The following CDKL4 variants were observed in gnomAD, a reference collection of about 807,000 sequenced individuals.
CDKL4 encodes cyclin-dependent kinase-like 4.
A neutral mutation model predicts 42.0 loss-of-function variants in CDKL4; 44 were observed. That is an observed-to-expected ratio of 1.05 (90% CI 0.82 to 1.35). The LOEUF (loss-of-function observed/expected upper bound fraction) is 1.35, where lower values mean the gene tolerates loss of function less well. Among genes scored for constraint, CDKL4 ranks in the 40% most tolerant of loss-of-function variants. The pLI is 0.00. For missense variants in CDKL4, 393 were observed against 369.9 expected, an observed-to-expected ratio of 1.06 and a Z score of -0.51; for synonymous variants, 120 against 121.6, an observed-to-expected ratio of 0.99 and a Z score of 0.09.
chr2:39,176,572 T>C (rs1300214841), intron 9 of CDKL4, among the ~76,000 whole-genome samples: 3 of 152,206 alleles, frequency 2.0e-5, no homozygotes, highest in South Asian at 2.1e-4. Flanking sequence ...TAGCTGAGAT[T>C]ACAGGTGTGA....
chr2:39,244,792 A>G (rs181245156), upstream of CDKL4, among the ~76,000 whole-genome samples: 53 of 152,278 alleles, frequency 3.5e-4, no homozygotes, highest in African/African-American at 1.1e-3. Flanking sequence ...GATTGTAAAT[A>G]CACCAATCGG....
At chr2:39,200,435 T>C (rs1455774879) in intron 5 of CDKL4, among the ~76,000 whole-genome samples, 1 of 152,014 alleles carries the variant, frequency 6.6e-6, no homozygotes, top group East Asian at 1.9e-4. Context: ...ACAAATCCAA[T>C]GCAATTCCCA....
chr2:39,205,075 G>A (rs1363965736), intron 4 of CDKL4, among the ~76,000 whole-genome samples: 2 of 152,038 alleles, frequency 1.3e-5, no homozygotes, highest in African/African-American at 4.8e-5. Context: ...AGCTACTGAG[G>A]AGGCTGAGGC....
intron 4 of CDKL4, among the ~76,000 whole-genome samples, chr2:39,209,482 C>G (rs72927491): frequency 0.034 from 5,103 of 152,228 alleles, 297 homozygotes; most frequent in African/African-American, 0.12. Flanking sequence ...CAAATGAATA[C>G]GTATTTTCTT....
At chr2:39,178,443 T>C (rs1675257687) in intron 9 of CDKL4, 2 of 864,678 alleles carry the variant, frequency 2.3e-6, no homozygotes, top group Non-Finnish European at 3.5e-6. Flanking sequence ...ACTTATTTAT[T>C]TTAATAATAT....
chr2:39,240,049 C>T (rs1679580490), intron 1 of CDKL4, among the ~76,000 whole-genome samples: 1 of 151,844 alleles, frequency 6.6e-6, no homozygotes, highest in East Asian at 1.9e-4. Flanking sequence ...GAGATTGTGC[C>T]ACTGCACTCC....
intron 4 of CDKL4, among the ~76,000 whole-genome samples, chr2:39,209,415 G>A (rs142455956): frequency 3.9e-5 from 6 of 152,180 alleles, no homozygotes; most frequent in South Asian, 2.1e-4. Flanking sequence ...TCATTATGGC[G>A]TTAAATGGAC....
At chr2:39,242,840 G>A (rs1679727923) in intron 1 of CDKL4, among the ~76,000 whole-genome samples, 1 of 152,134 alleles carries the variant, frequency 6.6e-6, no homozygotes, top group Admixed American at 6.5e-5. Flanking sequence ...GCTCACACCT[G>A]TAATCCCAGC....
intron 8 of CDKL4, among the ~76,000 whole-genome samples, chr2:39,182,273 G>A (rs1015408471): frequency 3.9e-5 from 6 of 152,174 alleles, no homozygotes; most frequent in Admixed American, 6.6e-5. Flanking sequence ...TTACAGGCAT[G>A]AGCCACCATG....
chr2:39,217,046 A>G (rs1253751625), intron 3 of CDKL4, among the ~76,000 whole-genome samples: 9 of 152,110 alleles, frequency 5.9e-5, no homozygotes, highest in Admixed American at 2.0e-4. Context: ...AGATCGTGCA[A>G]AGAGAAGATA....
chr2:39,173,401 G>C (rs574298871), downstream of CDKL4, among the ~76,000 whole-genome samples: 1 of 152,176 alleles, frequency 6.6e-6, no homozygotes, highest in Non-Finnish European at 1.5e-5. Context: ...AACTGGCAGG[G>C]TGTGGTGGGT....
At chr2:39,222,744 C>T (rs147700701) in intron 3 of CDKL4, among the ~76,000 whole-genome samples, 233 of 152,188 alleles carry the variant, frequency 1.5e-3, no homozygotes, top group African/African-American at 5.5e-3. Flanking sequence ...TCAAGTCAAG[C>T]AAACTGGTGT....
chr2:39,225,777 A>T, intron 3 of CDKL4, 62 bp downstream of exon 3: 1 of 1,510,528 alleles, frequency 6.6e-7, no homozygotes, highest in Non-Finnish European at 8.9e-7. Context: ...TGCCATGGTT[A>T]ATTCCACAGA....
chr2:39,201,412 G>A (rs528767719), intron 5 of CDKL4, among the ~76,000 whole-genome samples: 1 of 152,046 alleles, frequency 6.6e-6, no homozygotes, highest in Non-Finnish European at 1.5e-5. Flanking sequence ...ACAGTGTGGA[G>A]ATTCCTTAAA....
the CDKL4 span, among the ~76,000 whole-genome samples, chr2:39,170,185 C>G: frequency 6.7e-6 from 1 of 149,556 alleles, no homozygotes; most frequent in Admixed American, 6.7e-5. Context: ...TCTTAAACAC[C>G]TTTAGTCTTC....
the CDKL4 span, among the ~76,000 whole-genome samples, chr2:39,168,911 C>T: frequency 6.6e-6 from 1 of 151,798 alleles, no homozygotes; most frequent in Non-Finnish European, 1.5e-5. Context: ...CACATGCCAC[C>T]ACGCCCAGCT....
At chr2:39,236,298 A>C (rs1184857214) in intron 1 of CDKL4, among the ~76,000 whole-genome samples, 1 of 152,180 alleles carries the variant, frequency 6.6e-6, no homozygotes, top group African/African-American at 2.4e-5. Context: ...ACAGAGCCTC[A>C]GAGACCGATG....
intron 5 of CDKL4, among the ~76,000 whole-genome samples, chr2:39,190,833 T>G (rs1328676328): frequency 3.3e-5 from 5 of 152,196 alleles, no homozygotes; most frequent in African/African-American, 1.2e-4. Context: ...GCATGGTGGT[T>G]GTTGTGCACT....
rs372064138 is a variant in CDKL4, at chr2:39,209,150, ATTTT to A, written c.363+4246_363+4249del. 1.6e-4 allele frequency among the ~76,000 whole-genome samples: 12 copies of A among 73,102 alleles called. No homozygotes were observed. The South Asian group carries it at 6.4e-3, about 39-fold the overall frequency. 48.0% of individuals were successfully genotyped at this position (73,102 alleles called of 152,430 possible). Reference sequence around the variant, plus strand: ...ACTATCTCTACAAAAAAAAAAAAAAATTTTTTTTTTAAATTAGCCATGCATGATA... The same window carrying A: ...ACTATCTCTACAAAAAAAAAAAAAAATTTTTTAAATTAGCCATGCATGATA... On this transcript the variant is annotated intron_variant, in intron 4 of 9. Coordinates refer to ENST00000451199, the Ensembl canonical transcript of CDKL4.
Sources: gnomAD v4.1 joint callset for allele counts (sites outside exome capture counted in the v4.1 genomes callset) on GRCh38, gnomAD v4.1.1 for gene constraint, MANE v1.5 for transcripts, NCBI Gene and HGNC (gene_info 2026-07-23, HGNC 2026-07-21) for gene names.